Variants in CCDC149 observed in about 807,000 individuals in gnomAD.
CCDC149 encodes the protein coiled-coil domain containing 149.
In CCDC149, 45 loss-of-function variants were observed where a neutral mutation model predicts 59.9. That is an observed-to-expected ratio of 0.75 (90% CI 0.59 to 0.96). CCDC149 has a LOEUF of 0.96. Among genes scored for constraint, CCDC149 ranks in the 40% least tolerant of loss-of-function variants. The pLI is 0.00. For missense variants in CCDC149, 584 were observed against 664.7 expected (o/e 0.88, Z 1.33); for synonymous variants, 245 against 260.6 (o/e 0.94, Z 0.58).
intron 9 of CCDC149, among the ~76,000 whole-genome samples, chr4:24,825,791 A>G (rs1189807698): frequency 6.6e-6 from 1 of 151,700 alleles, no homozygotes; most frequent in Non-Finnish European, 1.5e-5. Context: ...AAAAACACAC[A>G]CATGCTTATT....
chr4:24,944,096 C>A (rs1485660284), intron 1 of CCDC149, among the ~76,000 whole-genome samples: 5 of 152,172 alleles, frequency 3.3e-5, no homozygotes, highest in South Asian at 2.1e-4. Flanking sequence ...AAGACACATG[C>A]ACACGTATGT....
chr4:24,968,947 C>T (rs1307889315), intron 1 of CCDC149, among the ~76,000 whole-genome samples: 1 of 152,196 alleles, frequency 6.6e-6, no homozygotes, highest in East Asian at 1.9e-4. Context: ...AGGCCATATT[C>T]CTTTGGCCAC....
At chr4:24,875,782 T>C (rs1577438413) in intron 2 of CCDC149, among the ~76,000 whole-genome samples, 2 of 152,308 alleles carry the variant, frequency 1.3e-5, no homozygotes, top group African/African-American at 4.8e-5. Flanking sequence ...TAAAACTAAG[T>C]AGCCACCTGT....
intron 1 of CCDC149, among the ~76,000 whole-genome samples, chr4:24,941,003 G>C (rs1011896200): frequency 2.0e-5 from 3 of 151,990 alleles, no homozygotes; most frequent in African/African-American, 4.8e-5. Flanking sequence ...AGAAAGTTAA[G>C]ACGGATATCC....
chr4:24,888,104 C>T lies in CCDC149; in HGVS notation c.64-11407G>A, dbSNP rs547131126. On this transcript the variant is annotated intron_variant, in intron 1 of 12. Transcript: ENST00000635206. Reference sequence around the variant, plus strand: ...AGAGTAGCACTCACACACCCTGTATCGCAGCACCTGCCCACCTGCCCACTT... The same window carrying T: ...AGAGTAGCACTCACACACCCTGTATTGCAGCACCTGCCCACCTGCCCACTT... 3.3e-5 allele frequency among the ~76,000 whole-genome samples: 5 copies of T among 152,176 alleles called. No individual in the cohort carries two copies. In the South Asian group the frequency reaches 6.2e-4, roughly 19 times the overall value.
At chr4:24,831,262 T>G (rs2109127969) in intron 9 of CCDC149, 1 of 455,406 alleles carries the variant, frequency 2.2e-6, no homozygotes, top group Non-Finnish European at 4.0e-6. Context: ...TACATACTAC[T>G]CAGTGTGTAG....
intron 1 of CCDC149, among the ~76,000 whole-genome samples, chr4:24,905,554 G>C (rs1366783652): frequency 6.6e-6 from 1 of 151,456 alleles, no homozygotes; most frequent in African/African-American, 2.4e-5. Flanking sequence ...TCCTGCCTCA[G>C]CCTCCTGGGT....
chr4:24,812,732 C>T (rs904686350), intron 12 of CCDC149, among the ~76,000 whole-genome samples: 2 of 152,154 alleles, frequency 1.3e-5, no homozygotes, highest in Admixed American at 1.3e-4. Flanking sequence ...GGGGAGGCCT[C>T]ACAATCATGG....
intron 12 of CCDC149, among the ~76,000 whole-genome samples, chr4:24,813,439 G>A (rs2109090904): frequency 6.9e-6 from 1 of 145,596 alleles, no homozygotes; most frequent in East Asian, 2.0e-4. Context: ...GGATTTCTAA[G>A]GTTTCTAGAT....
intron 1 of CCDC149, among the ~76,000 whole-genome samples, chr4:24,893,748 G>T (rs1194362719): frequency 6.7e-6 from 1 of 148,166 alleles, no homozygotes; most frequent in East Asian, 2.0e-4. Flanking sequence ...TCCCTTAGTA[G>T]CTGGGATTAT....
At chr4:24,913,134 C>A (rs1722001115), upstream of CCDC149, among the ~76,000 whole-genome samples, 1 of 150,952 alleles carries the variant, frequency 6.6e-6, no homozygotes. Context: ...CCCGCGCCCT[C>A]AGCCCCGCGA....
intron 1 of CCDC149, among the ~76,000 whole-genome samples, chr4:24,959,428 T>C (rs13106292): frequency 0.73 from 110,147 of 151,758 alleles, 40,262 homozygotes; most frequent in Non-Finnish European, 0.76. Flanking sequence ...ACTTGGCGTG[T>C]TTGGTAACCT....
intron 8 of CCDC149, among the ~76,000 whole-genome samples, chr4:24,833,857 T>C (rs191653741): frequency 6.6e-6 from 1 of 152,326 alleles, no homozygotes; most frequent in East Asian, 1.9e-4. Flanking sequence ...ATAGATTTTG[T>C]TTACTAATAC....
chr4:24,978,375 G>T (rs1402193099), intron 1 of CCDC149, among the ~76,000 whole-genome samples: 2 of 152,132 alleles, frequency 1.3e-5, no homozygotes, highest in Non-Finnish European at 2.9e-5. Context: ...AAAGTACATT[G>T]TTAAAGTTAA....
chr4:24,976,511 G>A (rs557271273), intron 1 of CCDC149, among the ~76,000 whole-genome samples: 2 of 152,282 alleles, frequency 1.3e-5, no homozygotes, highest in East Asian at 1.9e-4. Context: ...TCAGGAGTTT[G>A]AGACCAGCCT....
intron 4 of CCDC149, among the ~76,000 whole-genome samples, chr4:24,852,284 C>CCACA (rs1320397543): frequency 1.3e-4 from 14 of 109,260 alleles, no homozygotes; most frequent in Non-Finnish European, 1.8e-4. Flanking sequence ...CTCCAACACA[C>CCACA]CATACACACA....
chr4:24,832,225 C>T (rs1349412030), intron 8 of CCDC149, among the ~76,000 whole-genome samples: 1 of 152,156 alleles, frequency 6.6e-6, no homozygotes, highest in Non-Finnish European at 1.5e-5. Context: ...TATGGCATAA[C>T]AAAACCAATG....
chr4:24,864,906 G>C (rs1718604195), intron 3 of CCDC149, among the ~76,000 whole-genome samples: 1 of 152,182 alleles, frequency 6.6e-6, no homozygotes. Flanking sequence ...CACAGGTTCT[G>C]CAGGGCTGAC....
intron 11 of CCDC149, 57 bp from the exon 12 acceptor site, chr4:24,820,032 T>A (rs540604366): frequency 1.5e-6 from 2 of 1,307,336 alleles, no homozygotes; most frequent in African/African-American, 1.5e-5. Context: ...TTGGGTTGCA[T>A]TTAGTCCCAC....
Sources: allele counts gnomAD v4.1 joint callset (sites outside exome capture counted in the v4.1 genomes callset), GRCh38; gene constraint gnomAD v4.1.1; transcripts MANE v1.5; gene names NCBI Gene and HGNC (gene_info 2026-07-23, HGNC 2026-07-21).